ZNF804A: variants seen among roughly 807,000 people sequenced by gnomAD.
The protein encoded by ZNF804A is zinc finger protein 804A.
A neutral mutation model predicts 16.5 loss-of-function variants in ZNF804A; 2 were observed. The observed-to-expected ratio is 0.12, with a 90% CI of 0.05 to 0.38. The LOEUF (loss-of-function observed/expected upper bound fraction) is 0.38, where lower values mean the gene tolerates loss of function less well. ZNF804A is among the 10% of genes least tolerant of loss of function. The pLI, the probability that ZNF804A is intolerant of heterozygous loss-of-function variation, is 0.99. For synonymous variants in ZNF804A, 534 were observed against 489.6 expected, an observed-to-expected ratio of 1.09 and a Z score of -1.20; for missense variants, 1,473 against 1,390.7, an observed-to-expected ratio of 1.06 and a Z score of -0.94.
At chr2:184,707,162 T>A (rs1693044115) in intron 1 of ZNF804A, among the ~76,000 whole-genome samples, 1 of 152,142 alleles carries the variant, frequency 6.6e-6, no homozygotes, top group Non-Finnish European at 1.5e-5. Flanking sequence ...ACGTTAACTT[T>A]TTTTTTAGAA....
chr2:184,609,527 C>T (rs1479438745), intron 1 of ZNF804A, among the ~76,000 whole-genome samples: 1 of 152,182 alleles, frequency 6.6e-6, no homozygotes, highest in Non-Finnish European at 1.5e-5. Flanking sequence ...GACTGGGTGG[C>T]TTAAACAACA....
At chr2:184,600,538 A>G (rs2105663553) in intron 1 of ZNF804A, among the ~76,000 whole-genome samples, 1 of 152,352 alleles carries the variant, frequency 6.6e-6, no homozygotes, top group Middle Eastern at 3.4e-3. Flanking sequence ...GAAGTAAAAA[A>G]GGAAGGTAAA....
At chr2:184,640,191 G>A (rs1559114722) in intron 1 of ZNF804A, among the ~76,000 whole-genome samples, 1 of 151,744 alleles carries the variant, frequency 6.6e-6, no homozygotes, top group Non-Finnish European at 1.5e-5. Context: ...AAAAGAAGTA[G>A]GAGGAGGAGC....
intron 1 of ZNF804A, among the ~76,000 whole-genome samples, chr2:184,646,449 A>G (rs1691873754): frequency 6.6e-6 from 1 of 152,212 alleles, no homozygotes; most frequent in African/African-American, 2.4e-5. Context: ...ATGCCCAGGC[A>G]GAGCTCCAAG....
chr2:184,818,564 C>G (rs1307913595), intron 1 of ZNF804A, among the ~76,000 whole-genome samples: 1 of 151,966 alleles, frequency 6.6e-6, no homozygotes, highest in Admixed American at 6.6e-5. Context: ...AAAATATTAA[C>G]CTTAAATGTA....
At chr2:184,812,244 C>G in intron 1 of ZNF804A, among the ~76,000 whole-genome samples, 1 of 152,094 alleles carries the variant, frequency 6.6e-6, no homozygotes, top group East Asian at 1.9e-4. Flanking sequence ...TTTTCTAGTC[C>G]TGCTGTCTCT....
intron 2 of ZNF804A, among the ~76,000 whole-genome samples, chr2:184,884,664 ATCT>A (rs1395935312): frequency 1.3e-5 from 2 of 151,760 alleles, no homozygotes; most frequent in Admixed American, 6.6e-5. Context: ...TGTACAATCA[ATCT>A]TCTTTATACT....
At chr2:184,803,819 T>G (rs1368900152) in intron 1 of ZNF804A, among the ~76,000 whole-genome samples, 1 of 151,328 alleles carries the variant, frequency 6.6e-6, no homozygotes, top group Non-Finnish European at 1.5e-5. Context: ...TGTCTTCACA[T>G]GGCTTTCTCT....
rs560169413 is a variant in ZNF804A at position 184,678,312 on chromosome 2, C to T, written c.111+79242C>T. Among the ~76,000 whole-genome samples the T allele has an allele frequency of 1.5e-3, 222 of 152,128 alleles. 1 individual carries two copies. Among genetic ancestry groups the T allele is most frequent in the African/African-American group, 4.8e-3 (201 of 41,518 alleles). On this transcript the variant is annotated intron_variant, in intron 1 of 3. Coordinates refer to ENST00000302277, the MANE Select transcript of ZNF804A (RefSeq NM_194250.2). ...TATTGCAGGCATTCTGAAAACCAGACAGTGTGCTATACTGGTATTTCCAGT... is the reference window on the plus strand; with the variant it reads ...TATTGCAGGCATTCTGAAAACCAGATAGTGTGCTATACTGGTATTTCCAGT...
chr2:184,896,938 T>C (rs781779864), intron 2 of ZNF804A, among the ~76,000 whole-genome samples: 2 of 152,140 alleles, frequency 1.3e-5, no homozygotes, highest in African/African-American at 2.4e-5. Context: ...TGTGTGGATA[T>C]GATTATTAAT....
At chr2:184,755,511 T>C (rs1693946339) in intron 1 of ZNF804A, among the ~76,000 whole-genome samples, 1 of 152,126 alleles carries the variant, frequency 6.6e-6, no homozygotes, top group African/African-American at 2.4e-5. Flanking sequence ...GGATGAATCC[T>C]TCTGCTTCTT....
intron 2 of ZNF804A, among the ~76,000 whole-genome samples, chr2:184,886,307 C>A (rs1039465140): frequency 6.6e-6 from 1 of 152,194 alleles, no homozygotes; most frequent in African/African-American, 2.4e-5. Flanking sequence ...CATGGTCTTG[C>A]GCAGCTCGGC....
At chr2:184,858,170 T>A (rs1695733850) in intron 1 of ZNF804A, among the ~76,000 whole-genome samples, 1 of 151,972 alleles carries the variant, frequency 6.6e-6, no homozygotes, top group Non-Finnish European at 1.5e-5. Context: ...AAACTTAAAA[T>A]ATATATATTT....
At chr2:184,751,324 C>CA (rs1241022825) in intron 1 of ZNF804A, among the ~76,000 whole-genome samples, 5 of 151,228 alleles carry the variant, frequency 3.3e-5, no homozygotes, top group Non-Finnish European at 7.4e-5. Flanking sequence ...TATCCACATG[C>CA]AAAAAACTTA....
intron 2 of ZNF804A, among the ~76,000 whole-genome samples, chr2:184,874,797 T>C (rs1267354098): frequency 6.6e-6 from 1 of 152,198 alleles, no homozygotes; most frequent in African/African-American, 2.4e-5. Flanking sequence ...ACTTATGTTC[T>C]TATAGCATGT....
At chr2:184,679,129 A>G (rs1692490551) in intron 1 of ZNF804A, among the ~76,000 whole-genome samples, 1 of 152,218 alleles carries the variant, frequency 6.6e-6, no homozygotes, top group Non-Finnish European at 1.5e-5. Flanking sequence ...CACAGAATAG[A>G]ATGTGGATTA....
intron 1 of ZNF804A, among the ~76,000 whole-genome samples, chr2:184,653,678 G>A (rs936165289): frequency 6.6e-6 from 1 of 152,176 alleles, no homozygotes; most frequent in Non-Finnish European, 1.5e-5. Flanking sequence ...CACATGCATG[G>A]TGGCCTGTGA....
At chr2:184,696,003 A>C (rs149150897) in intron 1 of ZNF804A, among the ~76,000 whole-genome samples, 1 of 152,312 alleles carries the variant, frequency 6.6e-6, no homozygotes, top group African/African-American at 2.4e-5. Flanking sequence ...TCTAACCAGC[A>C]TAACCAATTA....
Position 184,916,677 on chromosome 2 carries a change from G to A in ZNF804A, c.256-16926G>A, listed in dbSNP as rs141265790. On this transcript the variant is annotated intron_variant, in intron 2 of 3. Transcript: ENST00000302277. ...ATCCTGGTCAACATGGTGAAACCCC[G>A]TCTCTATTGAAAATACAAAAATTAG... Among the ~76,000 whole-genome samples the A allele has an allele frequency of 6.5e-3, 987 of 152,098 alleles. 25 individuals carry two copies. The highest frequency in any genetic ancestry group is 0.029 in the South Asian group (142 of 4,820).
Sources: gnomAD v4.1 joint callset for allele counts (sites outside exome capture counted in the v4.1 genomes callset) on GRCh38, gnomAD v4.1.1 for gene constraint, MANE v1.5 for transcripts, NCBI Gene and HGNC (gene_info 2026-07-23, HGNC 2026-07-21) for gene names.